GKAP1: variants seen among roughly 807,000 people sequenced by gnomAD.
GKAP1 encodes G kinase-anchoring protein 1.
Under a neutral mutation model 56.7 loss-of-function variants are expected in GKAP1, and 31 were observed. The observed-to-expected ratio is 0.55, with a 90% CI of 0.41 to 0.74. The LOEUF is 0.74. Ranked by LOEUF, GKAP1 falls within the 30% of genes least tolerant of loss-of-function variation. The pLI, the probability that GKAP1 is intolerant of heterozygous loss-of-function variation, is 0.00. For missense variants in GKAP1, 364 were observed against 402.3 expected, an observed-to-expected ratio of 0.90 and a Z score of 0.82; for synonymous variants, 151 against 138.6, an observed-to-expected ratio of 1.09 and a Z score of -0.63.
intron 2 of GKAP1, among the ~76,000 whole-genome samples, chr9:83,815,251 T>C (rs188512440): frequency 6.6e-6 from 1 of 152,020 alleles, no homozygotes; most frequent in East Asian, 1.9e-4. Flanking sequence ...TAAAAATGAA[T>C]AGCCTAAGCT....
intron 12 of GKAP1, 133 bp downstream of exon 12, chr9:83,741,819 C>T (rs1320825402): frequency 2.8e-5 from 17 of 604,748 alleles, no homozygotes; most frequent in East Asian, 8.8e-5. Flanking sequence ...ATTATATGAC[C>T]GATAATAAAA....
At chr9:83,812,238 T>C (rs1031294668) in intron 2 of GKAP1, among the ~76,000 whole-genome samples, 2 of 148,932 alleles carry the variant, frequency 1.3e-5, no homozygotes, top group Non-Finnish European at 3.0e-5. Flanking sequence ...CATGTATACA[T>C]ATATACGTAT....
chr9:83,780,190 T>A (rs960898498), intron 7 of GKAP1, among the ~76,000 whole-genome samples, 192 bp downstream of exon 7: 1 of 152,066 alleles, frequency 6.6e-6, no homozygotes, highest in Admixed American at 6.5e-5. Flanking sequence ...ATGCAAATAA[T>A]CTTATTTTTA....
At chr9:83,804,509 G>A (rs370143422) in intron 3 of GKAP1, among the ~76,000 whole-genome samples, 30 of 72,038 alleles carry the variant, frequency 4.2e-4, no homozygotes, top group Admixed American at 3.0e-3. Flanking sequence ...CAGCCGCCCC[G>A]TCCGGGAGGG....
chr9:83,805,592 G>A (rs113923578), intron 3 of GKAP1, among the ~76,000 whole-genome samples: 165 of 151,714 alleles, frequency 1.1e-3, no homozygotes, highest in African/African-American at 3.8e-3. Context: ...TTAAAAGCCA[G>A]TTATAAAACA....
intron 2 of GKAP1, among the ~76,000 whole-genome samples, chr9:83,813,786 C>A (rs917517729): frequency 3.9e-5 from 6 of 152,168 alleles, no homozygotes; most frequent in South Asian, 2.1e-4. Flanking sequence ...ACCACTAGTA[C>A]AAACTATTAA....
intron 7 of GKAP1, among the ~76,000 whole-genome samples, chr9:83,771,921 A>G (rs1943769651): frequency 6.6e-6 from 1 of 152,052 alleles, no homozygotes; most frequent in Non-Finnish European, 1.5e-5. Flanking sequence ...AGTTGCTCCC[A>G]TTACCATCAC....
At chr9:83,815,446 G>C (rs1944569183) in intron 2 of GKAP1, among the ~76,000 whole-genome samples, 2 of 151,342 alleles carry the variant, frequency 1.3e-5, no homozygotes, top group African/African-American at 4.9e-5. Flanking sequence ...TGGTAGTCTT[G>C]GCCTCTATCA....
intron 10 of GKAP1, among the ~76,000 whole-genome samples, chr9:83,747,187 A>C (rs1321790213): frequency 6.6e-6 from 1 of 152,216 alleles, no homozygotes; most frequent in Non-Finnish European, 1.5e-5. Context: ...TTCTATTATG[A>C]ATGGAAAATT....
intron 2 of GKAP1, among the ~76,000 whole-genome samples, chr9:83,809,518 T>G (rs1034889423): frequency 9.2e-5 from 14 of 152,228 alleles, no homozygotes; most frequent in Non-Finnish European, 1.9e-4. Flanking sequence ...GTTGGAAGAT[T>G]ATGTTCAAGG....
intron 3 of GKAP1, among the ~76,000 whole-genome samples, chr9:83,805,942 C>G (rs1265597386): frequency 6.6e-6 from 1 of 152,116 alleles, no homozygotes; most frequent in East Asian, 1.9e-4. Context: ...CATGGCAAAA[C>G]TCCATCTCTA....
At chr9:83,799,380 CTAA>C (rs753541106) in intron 3 of GKAP1, 52 bp from the exon 4 acceptor site, 14 of 1,280,104 alleles carry the variant, frequency 1.1e-5, no homozygotes, top group Non-Finnish European at 1.5e-5. Flanking sequence ...TCCTGGGATA[CTAA>C]TGATTTTTTT....
chr9:83,782,150 C>CT (rs898983351), intron 6 of GKAP1, among the ~76,000 whole-genome samples: 15 of 146,944 alleles, frequency 1.0e-4, no homozygotes, highest in South Asian at 2.2e-4. Flanking sequence ...CCACTTCTTT[C>CT]TTTTTTTTTT....
chr9:83,798,731 G>A (rs993476538), intron 4 of GKAP1, among the ~76,000 whole-genome samples: 1 of 151,958 alleles, frequency 6.6e-6, no homozygotes, highest in African/African-American at 2.4e-5. Flanking sequence ...GCCCAGGGTG[G>A]TCTCAAACTC....
Position 83,742,518 on chromosome 9 carries a change from A to G in GKAP1, c.975+12T>C, listed in dbSNP as rs774882824. ...TAAGAAAACCAGTCATGTATGCTCC[A>G]CAGTTCCTTACCTGAATAGTGAGCT... On this transcript the variant is annotated intron_variant, in intron 11 of 12. Coordinates refer to ENST00000376371, the MANE Select transcript of GKAP1 (RefSeq NM_025211.4). 2 of 1,590,822 alleles carry G rather than the reference A, an allele frequency of 1.3e-6. No homozygotes were observed. Among genetic ancestry groups the G allele is most frequent in the African/African-American group, 1.3e-5 (1 of 74,454 alleles).
At chr9:83,753,200 C>A in intron 9 of GKAP1, 58 bp downstream of exon 9, 1 of 1,035,782 alleles carries the variant, frequency 9.7e-7, no homozygotes, top group East Asian at 2.4e-5. Flanking sequence ...ATAAGAAAAA[C>A]AGAAAACGTG....
rs182754953 is a variant in GKAP1 at position 83,750,550 on chromosome 9, C to T, written c.841-2178G>A. Among the ~76,000 whole-genome samples, 25 of 152,300 alleles carry T rather than the reference C, an allele frequency of 1.6e-4. No homozygotes were observed. The East Asian group carries it at 4.6e-3, about 28-fold the overall frequency. On this transcript the variant is annotated intron_variant, in intron 9 of 12. Coordinates refer to ENST00000376371, the MANE Select transcript of GKAP1 (RefSeq NM_025211.4). ...CAAATATCTTCTCAATATCATCCCACAGCAGCTGCGTCATTTTACATTCCC... is the reference window on the plus strand; with the variant it reads ...CAAATATCTTCTCAATATCATCCCATAGCAGCTGCGTCATTTTACATTCCC...
intron 7 of GKAP1, among the ~76,000 whole-genome samples, chr9:83,776,392 A>G (rs1943862896): frequency 1.3e-5 from 2 of 152,126 alleles, no homozygotes; most frequent in African/African-American, 2.4e-5. Context: ...CCTAAAAAAA[A>G]GAAAAGAAAC....
intron 5 of GKAP1, among the ~76,000 whole-genome samples, chr9:83,785,196 C>T (rs1026434524): frequency 2.6e-5 from 4 of 152,206 alleles, no homozygotes; most frequent in African/African-American, 4.8e-5. Flanking sequence ...TCAATCTCCT[C>T]TTTATTGCCA....
Sources: allele counts gnomAD v4.1 joint callset (sites outside exome capture counted in the v4.1 genomes callset), GRCh38; gene constraint gnomAD v4.1.1; transcripts MANE v1.5; gene names NCBI Gene and HGNC (gene_info 2026-07-23, HGNC 2026-07-21).